The following SPICE1 variants were observed in gnomAD, a reference collection of about 807,000 sequenced individuals.
The protein encoded by SPICE1 is spindle and centriole-associated protein 1.
A neutral mutation model predicts 102.7 loss-of-function variants in SPICE1; 75 were observed. The observed-to-expected ratio is 0.73, with a 90% CI of 0.61 to 0.88. SPICE1 has a LOEUF of 0.88. Among genes scored for constraint, SPICE1 ranks in the 40% least tolerant of loss-of-function variants. SPICE1 has a pLI of 0.00. For missense variants in SPICE1, 979 were observed against 1,020.1 expected (o/e 0.96, Z 0.55); for synonymous variants, 308 against 350.3 (o/e 0.88, Z 1.35).
At position 113,468,799 on chromosome 3, in the gene SPICE1, C is replaced by G; in HGVS notation, c.852G>C (p.Val284=). Residue 284 remains valine, a synonymous_variant, in exon 9 of 18, where the codon GTG becomes GTC. Coordinates refer to ENST00000295872, the MANE Select transcript of SPICE1 (RefSeq NM_144718.4). The part of the protein sequence containing the change: ...TLDSSYVVGH[V]LNSRKQKQLL... ...GCTGTTTTTGCTTCCTTGAGTTCAG[C>G]ACGTGTCCCACAACGTAGCTTGAGT... 6.2e-7 allele frequency: 1 copy of G among 1,614,024 alleles called. No individual in the cohort carries two copies. The highest frequency in any genetic ancestry group is 8.5e-7 in the Non-Finnish European group (1 of 1,179,982).
intron 11 of SPICE1, among the ~76,000 whole-genome samples, chr3:113,461,377 A>G (rs1015045740): frequency 2.0e-5 from 3 of 151,694 alleles, no homozygotes; most frequent in Non-Finnish European, 4.4e-5. Flanking sequence ...TCTATATTTA[A>G]AAGATCACCC....
At chr3:113,480,099 T>G (rs1269763030) in intron 7 of SPICE1, among the ~76,000 whole-genome samples, 1 of 152,066 alleles carries the variant, frequency 6.6e-6, no homozygotes, top group Non-Finnish European at 1.5e-5. Context: ...CACATCTCTA[T>G]AGAAATACAT....
intron 7 of SPICE1, among the ~76,000 whole-genome samples, chr3:113,481,406 T>C (rs1246386843): frequency 6.6e-6 from 1 of 151,376 alleles, no homozygotes; most frequent in South Asian, 2.1e-4. Context: ...GTAGACTTTT[T>C]TTTTTCTAGT....
chr3:113,467,999 G>A, intron 10 of SPICE1, 140 bp downstream of exon 10: 1 of 1,081,740 alleles, frequency 9.2e-7, no homozygotes, highest in Non-Finnish European at 1.3e-6. Flanking sequence ...CTTTACTGCA[G>A]ATAATCTAAA....
chr3:113,486,006 G>A (rs1427095093), intron 7 of SPICE1, among the ~76,000 whole-genome samples: 2 of 152,076 alleles, frequency 1.3e-5, no homozygotes, highest in Admixed American at 6.5e-5. Context: ...AGTTTCCTGG[G>A]AGGCTGAAGC....
intron 6 of SPICE1, among the ~76,000 whole-genome samples, chr3:113,491,624 CAAAAAA>C (rs869171154): frequency 1.6e-4 from 6 of 38,108 alleles, no homozygotes; most frequent in Non-Finnish European, 2.2e-4. Context: ...GACTCCGTCT[CAAAAAA>C]AAAAAAAAAA....
At chr3:113,464,259 T>G (rs1241125650) in intron 11 of SPICE1, among the ~76,000 whole-genome samples, 5 of 136,830 alleles carry the variant, frequency 3.7e-5, no homozygotes, top group Non-Finnish European at 8.0e-5. Context: ...TTTTGTTGTT[T>G]TTTTTTTTTT....
At chr3:113,468,012 T>C in intron 10 of SPICE1, 127 bp downstream of exon 10, 1 of 1,116,548 alleles carries the variant, frequency 9.0e-7, no homozygotes, top group Non-Finnish European at 1.2e-6. Flanking sequence ...AATCTAAAAC[T>C]GAGGTATTTT....
chr3:113,453,754 C>A lies in SPICE1; in HGVS notation c.1854G>T (p.Gln618His). ...GCTGTGAGAGGTTAACAAAAGGAGCCTGAGTTTTGTTCTCCAAATCTTCTC... is the reference window on the plus strand; with the variant it reads ...GCTGTGAGAGGTTAACAAAAGGAGCATGAGTTTTGTTCTCCAAATCTTCTC... ...HMGEDLENKT[Q>H]APFVNLSQPL... The change falls in exon 14 of 18, where the codon CAG (glutamine) becomes CAT (histidine). Residue 618 changes from glutamine to histidine, a missense_variant. Physicochemically the swap from Gln to His is conservative, Grantham distance 24. Transcript: ENST00000295872. 3 of 1,614,104 alleles carry A rather than the reference C, an allele frequency of 1.9e-6. No individual in the cohort carries two copies. The highest frequency in any genetic ancestry group is 2.5e-6 in the Non-Finnish European group (3 of 1,180,012).
At chr3:113,490,084 A>G (rs1172287247) in intron 6 of SPICE1, among the ~76,000 whole-genome samples, 1 of 152,156 alleles carries the variant, frequency 6.6e-6, no homozygotes, top group African/African-American at 2.4e-5. Context: ...GTTTGGTACA[A>G]ACGTTACTCA....
intron 8 of SPICE1, 66 bp from the exon 9 acceptor site, chr3:113,468,965 G>T: frequency 6.4e-7 from 1 of 1,571,512 alleles, no homozygotes; most frequent in South Asian, 1.2e-5. Context: ...TATTTCAATT[G>T]ACAGATCCAT....
intron 9 of SPICE1, 108 bp downstream of exon 9, chr3:113,468,654 T>C: frequency 7.6e-7 from 1 of 1,318,222 alleles, no homozygotes; most frequent in East Asian, 2.4e-5. Flanking sequence ...AACTTTCAGT[T>C]GGAACCATGT....
intron 3 of SPICE1, among the ~76,000 whole-genome samples, chr3:113,500,782 G>A (rs1296354356): frequency 6.6e-6 from 1 of 152,058 alleles, no homozygotes; most frequent in Non-Finnish European, 1.5e-5. Context: ...ATTATTCTCA[G>A]TAAATAGTTA....
At chr3:113,471,879 T>C (rs149905222) in intron 7 of SPICE1, among the ~76,000 whole-genome samples, 2,526 of 152,270 alleles carry the variant, frequency 0.017, 56 homozygotes, top group African/African-American at 0.049. Context: ...GATGGGTGAT[T>C]TCTGCATTTC....
chr3:113,473,399 AG>A lies in SPICE1; in HGVS notation c.612-4162del, dbSNP rs1936255690. ...CCAGGAGAACTTCCCCAATCTAGCA[AG>A]GCAGGCCAACATTCAGATTCAGGAA... On this transcript the variant is annotated intron_variant, in intron 7 of 17. Coordinates refer to ENST00000295872, the MANE Select transcript of SPICE1 (RefSeq NM_144718.4). Among the ~76,000 whole-genome samples, 9 of 152,328 alleles carry A rather than the reference AG, an allele frequency of 5.9e-5. No individual in the cohort carries two copies. The South Asian group carries it at 1.7e-3, about 28-fold the overall frequency.
intron 4 of SPICE1, among the ~76,000 whole-genome samples, chr3:113,497,503 C>A (rs546889087): frequency 6.6e-6 from 1 of 152,124 alleles, no homozygotes; most frequent in African/African-American, 2.4e-5. Flanking sequence ...CCAAGATATG[C>A]TGGTAGAGAG....
At chr3:113,455,649 A>G (rs1935764224) in intron 13 of SPICE1, among the ~76,000 whole-genome samples, 1 of 152,266 alleles carries the variant, frequency 6.6e-6, no homozygotes, top group Non-Finnish European at 1.5e-5. Context: ...TCATCTGCAT[A>G]TTCTGTTTAA....
At chr3:113,476,119 C>T (rs1258224778) in intron 7 of SPICE1, among the ~76,000 whole-genome samples, 1 of 151,930 alleles carries the variant, frequency 6.6e-6, no homozygotes, top group African/African-American at 2.4e-5. Context: ...ACAAAAATCA[C>T]AAGCATTCTT....
intron 6 of SPICE1, among the ~76,000 whole-genome samples, chr3:113,492,081 A>G (rs1936780027): frequency 6.6e-6 from 1 of 152,240 alleles, no homozygotes; most frequent in African/African-American, 2.4e-5. Context: ...AGTTGAACAT[A>G]CTACAGCAAT....
Sources: allele counts gnomAD v4.1 joint callset (sites outside exome capture counted in the v4.1 genomes callset), GRCh38; gene constraint gnomAD v4.1.1; transcripts MANE v1.5; gene names NCBI Gene and HGNC (gene_info 2026-07-23, HGNC 2026-07-21).